GRIA1: variants seen among roughly 807,000 people sequenced by gnomAD.
GRIA1 encodes the protein glutamate receptor 1.
Under a neutral mutation model 99.2 loss-of-function variants are expected in GRIA1, and 31 were observed. That is an observed-to-expected ratio of 0.31 (90% CI 0.23 to 0.42). GRIA1 has a LOEUF of 0.42. GRIA1 is among the 10% of genes least tolerant of loss of function. The pLI is 1.00. For missense variants in GRIA1, 782 were observed against 1,157.5 expected (o/e 0.68, Z 4.71); for synonymous variants, 438 against 432.4 (o/e 1.01, Z -0.16).
chr5:153,536,625 T>C (rs1336259476), intron 2 of GRIA1, among the ~76,000 whole-genome samples: 1 of 152,222 alleles, frequency 6.6e-6, no homozygotes, highest in Non-Finnish European at 1.5e-5. Context: ...TCCATTTCTT[T>C]GGAAATAGCT....
intron 12 of GRIA1, among the ~76,000 whole-genome samples, chr5:153,767,418 G>A (rs1351430434): frequency 2.6e-5 from 4 of 152,362 alleles, no homozygotes. Context: ...CAGGAGGTCA[G>A]GGACTCTTGG....
chr5:153,644,532 C>T (rs1205555368), intron 2 of GRIA1, among the ~76,000 whole-genome samples: 2 of 152,138 alleles, frequency 1.3e-5, no homozygotes, highest in African/African-American at 2.4e-5. Flanking sequence ...GTCCCAGACA[C>T]TCTGCTGGCT....
intron 2 of GRIA1, among the ~76,000 whole-genome samples, chr5:153,512,109 A>G (rs1292855399): frequency 6.6e-6 from 1 of 152,228 alleles, no homozygotes; most frequent in Non-Finnish European, 1.5e-5. Context: ...AGGGAGGCTG[A>G]GGAGGAGATG....
intron 11 of GRIA1, among the ~76,000 whole-genome samples, chr5:153,731,168 T>C (rs1009047606): frequency 1.3e-5 from 2 of 152,076 alleles, no homozygotes; most frequent in African/African-American, 4.8e-5. Context: ...CCCTGTGAAA[T>C]TTAGCCTCAT....
Position 153,586,514 on chromosome 5 carries a change from T to C in GRIA1, c.221-60414T>C, listed in dbSNP as rs146722458. On this transcript the variant is annotated intron_variant, in intron 2 of 15. Transcript: ENST00000285900. ...AGTCTCTTCTCTAAATCCCAAGTTATATGAATTTAACAAAGTCACTCCTCT... is the reference window on the plus strand; with the variant it reads ...AGTCTCTTCTCTAAATCCCAAGTTACATGAATTTAACAAAGTCACTCCTCT... Among the ~76,000 whole-genome samples the C allele has an allele frequency of 1.8e-3, 272 of 152,324 alleles. 1 individual carries two copies. The highest frequency in any genetic ancestry group is 6.3e-3 in the African/African-American group (263 of 41,558).
At chr5:153,595,850 G>A (rs1764384608) in intron 2 of GRIA1, among the ~76,000 whole-genome samples, 1 of 151,174 alleles carries the variant, frequency 6.6e-6, no homozygotes, top group Non-Finnish European at 1.5e-5. Flanking sequence ...GACACAGAAT[G>A]CTGGGCAGGC....
At chr5:153,557,429 T>C (rs990009666) in intron 2 of GRIA1, among the ~76,000 whole-genome samples, 1 of 152,188 alleles carries the variant, frequency 6.6e-6, no homozygotes, top group Non-Finnish European at 1.5e-5. Context: ...CATGTCTGGC[T>C]AATTTCTTTA....
intron 11 of GRIA1, among the ~76,000 whole-genome samples, chr5:153,723,414 C>T (rs1470697108): frequency 1.3e-5 from 2 of 151,946 alleles, no homozygotes; most frequent in East Asian, 1.9e-4. Flanking sequence ...TGCAGCGCAC[C>T]ATGCACGAGC....
chr5:153,810,918 G>A, intron 15 of GRIA1, 107 bp from the exon 16 acceptor site: 1 of 785,196 alleles, frequency 1.3e-6, no homozygotes, highest in Non-Finnish European at 2.3e-6. Flanking sequence ...GAAAGGGGGT[G>A]GATGGGAAAG....
rs1258157963 is a variant in GRIA1 at position 153,813,655 on chromosome 5, C to T, written c.*2430C>T. ...AGGAATCCATACTTAACAGTTCTGG[C>T]TTTCATTAAATTTTGCTCTTTGGTA... is the stretch of plus-strand genomic sequence containing the variant. On this transcript the variant is annotated 3_prime_UTR_variant, in exon 16 of 16. Coordinates refer to ENST00000285900, the MANE Select transcript of GRIA1 (RefSeq NM_000827.4). 6.6e-6 allele frequency: 1 copy of T among 152,154 alleles called. No individual in the cohort carries two copies. Among genetic ancestry groups the T allele is most frequent in the Non-Finnish European group, 1.5e-5 (1 of 68,022 alleles). The allele number at this position is 152,154 out of a possible 1,614,324, so 9.4% of individuals were successfully genotyped here.
At chr5:153,515,319 T>A (rs1681952715) in intron 2 of GRIA1, among the ~76,000 whole-genome samples, 1 of 152,202 alleles carries the variant, frequency 6.6e-6, no homozygotes, top group South Asian at 2.1e-4. Flanking sequence ...AATTCTGTTA[T>A]CTGTGACAAC....
intron 2 of GRIA1, among the ~76,000 whole-genome samples, chr5:153,600,303 A>T (rs1764810203): frequency 6.8e-6 from 1 of 147,110 alleles, no homozygotes; most frequent in African/African-American, 2.5e-5. Context: ...GAGGCAGCAG[A>T]ATGGCGTGAA....
At chr5:153,611,255 CTGAT>C (rs368267902) in intron 2 of GRIA1, among the ~76,000 whole-genome samples, 57 of 152,250 alleles carry the variant, frequency 3.7e-4, no homozygotes, top group African/African-American at 1.1e-3. Flanking sequence ...ATTTTGCAAA[CTGAT>C]TGTTAAACCA....
At chr5:153,655,969 G>A in intron 5 of GRIA1, 97 bp downstream of exon 5, 1 of 956,670 alleles carries the variant, frequency 1.0e-6, no homozygotes, top group Non-Finnish European at 1.7e-6. Context: ...CTGAGTAGGT[G>A]GAAGGGGCAA....
Position 153,705,984 on chromosome 5 carries a change from C to A in GRIA1, c.1740C>A (p.Asp580Glu). The A allele has an allele frequency of 6.2e-7, 1 of 1,613,942 alleles. No individual in the cohort carries two copies. The stretch of plus-strand genomic sequence containing the variant: ...AAGGACGGGACCAGACAACCAGTGA[C>A]CAGTCCAATGAGTTTGGGATATTCA... ...FEEGRDQTTS[D>E]QSNEFGIFNS... is the part of the protein sequence containing the mutation. The change falls in exon 11 of 16, where the codon GAC becomes GAA. Residue 580 changes from aspartate to glutamate, a missense_variant. Around this residue, in one of 5 missense-constraint regions of GRIA1, gnomAD observed 39 missense variants for 43.5 expected, o/e 0.90. Coordinates refer to ENST00000285900, the MANE Select transcript of GRIA1 (RefSeq NM_000827.4).
Position 153,612,057 on chromosome 5 carries a change from C to A in GRIA1, c.221-34871C>A, listed in dbSNP as rs558180993. 5.3e-5 allele frequency among the ~76,000 whole-genome samples: 8 copies of A among 152,340 alleles called. No individual in the cohort carries two copies. The East Asian group carries it at 1.2e-3, about 22-fold the overall frequency. On this transcript the variant is annotated intron_variant, in intron 2 of 15. Transcript: ENST00000285900. ...TAGGGAGAATGCTTGCTTTGTCTGC[C>A]TCTCCAAATGTGAGATGGGGAAATG...
intron 2 of GRIA1, among the ~76,000 whole-genome samples, chr5:153,505,147 A>C (rs896890249): frequency 2.0e-5 from 3 of 152,220 alleles, no homozygotes; most frequent in Non-Finnish European, 2.9e-5. Context: ...GTTCTTTTAC[A>C]TAGGTCATGG....
intron 11 of GRIA1, among the ~76,000 whole-genome samples, chr5:153,729,790 A>C (rs770112735): frequency 1.3e-5 from 2 of 152,226 alleles, no homozygotes; most frequent in Admixed American, 6.5e-5. Flanking sequence ...TCATTTGCTG[A>C]AACCTCTAAA....
chr5:153,722,139 C>T (rs1760114774), intron 11 of GRIA1, among the ~76,000 whole-genome samples: 1 of 152,140 alleles, frequency 6.6e-6, no homozygotes, highest in Non-Finnish European at 1.5e-5. Context: ...TTTTGTAAGT[C>T]TCTTGGTCAC....
Sources: allele counts gnomAD v4.1 joint callset (sites outside exome capture counted in the v4.1 genomes callset), GRCh38; gene constraint gnomAD v4.1.1; regional missense constraint gnomAD v4.1.1; transcripts MANE v1.5; gene names NCBI Gene and HGNC (gene_info 2026-07-23, HGNC 2026-07-21).